RAB10: variants seen among roughly 807,000 people sequenced by gnomAD.
RAB10 encodes the protein RAB10, member RAS oncogene family, also known as ras-related protein Rab-10.
RAB10 carries 5 observed loss-of-function variants against 25.7 expected under a neutral mutation model. The ratio of observed to expected loss-of-function variants is 0.19; its 90% confidence interval spans 0.10 to 0.41. RAB10 has a LOEUF of 0.41. Among genes scored for constraint, RAB10 ranks in the 10% least tolerant of loss-of-function variants. The probability of loss-of-function intolerance (pLI) is 1.00; values close to 1 mark genes in which losing one functional copy is unlikely to be tolerated. For synonymous variants in RAB10, 89 were observed against 86.4 expected (o/e 1.03, Z -0.16); for missense variants, 103 against 245.8 (o/e 0.42, Z 3.89).
At chr2:26,119,164 T>C (rs146959355) in intron 3 of RAB10, among the ~76,000 whole-genome samples, 14 of 152,308 alleles carry the variant, frequency 9.2e-5, no homozygotes, top group African/African-American at 3.4e-4. Context: ...CCCAGCACTT[T>C]GGGAATCCAA....
At chr2:26,073,259 G>A (rs143714650) in intron 1 of RAB10, among the ~76,000 whole-genome samples, 3 of 152,332 alleles carry the variant, frequency 2.0e-5, no homozygotes, top group East Asian at 1.9e-4. Flanking sequence ...GGAACAAATG[G>A]GAGAAGGGGC....
chr2:26,133,765 C>A (rs1668053816), intron 5 of RAB10, among the ~76,000 whole-genome samples: 1 of 151,972 alleles, frequency 6.6e-6, no homozygotes, highest in African/African-American at 2.4e-5. Flanking sequence ...CCTCTGCCTC[C>A]CGAGTTCAAG....
intron 2 of RAB10, chr2:26,102,199 TTAA>T (rs1667356743): frequency 6.6e-6 from 1 of 152,266 alleles, no homozygotes; most frequent in Non-Finnish European, 1.5e-5. Flanking sequence ...TCCTTAACAC[TTAA>T]TAATTCTCTG....
rs115347170 is a variant in RAB10, at chr2:26,100,314, C to G, written c.188+1592C>G. The stretch of plus-strand genomic sequence containing the variant: ...CAGGTTTCTAAGCCTGCTTTCAAAA[C>G]TACTCTCTTATCCTCTGCCATTAAA... On this transcript the variant is annotated intron_variant, in intron 2 of 5. Coordinates refer to ENST00000264710, the MANE Select transcript of RAB10 (RefSeq NM_016131.5). 6.2e-3 allele frequency among the ~76,000 whole-genome samples: 939 copies of G among 152,264 alleles called. 12 individuals are homozygous for G. Among genetic ancestry groups the G allele is most frequent in the African/African-American group, 0.021 (877 of 41,556 alleles).
chr2:26,134,323 G>T (rs1228142198), intron 5 of RAB10, among the ~76,000 whole-genome samples: 9 of 151,994 alleles, frequency 5.9e-5, no homozygotes, highest in Admixed American at 2.0e-4. Flanking sequence ...TTGCTGTGTT[G>T]CCCAACGTGG....
At chr2:26,096,993 C>T (rs902398841) in intron 1 of RAB10, among the ~76,000 whole-genome samples, 4 of 152,052 alleles carry the variant, frequency 2.6e-5, no homozygotes, top group Admixed American at 6.6e-5. Context: ...AGGCCAAGGC[C>T]GGTGGGTCAC....
At chr2:26,078,096 A>G (rs926478057) in intron 1 of RAB10, among the ~76,000 whole-genome samples, 30 of 152,250 alleles carry the variant, frequency 2.0e-4, no homozygotes, top group African/African-American at 7.2e-4. Flanking sequence ...AGTAGCATCA[A>G]AAAGAATACC....
chr2:26,105,624 T>C (rs932636124), intron 2 of RAB10, among the ~76,000 whole-genome samples: 3 of 152,058 alleles, frequency 2.0e-5, no homozygotes, highest in African/African-American at 7.2e-5. Flanking sequence ...CACTGTACTC[T>C]GTGAGACTCC....
chr2:26,048,930 G>T (rs1666074624), intron 1 of RAB10, among the ~76,000 whole-genome samples: 2 of 152,146 alleles, frequency 1.3e-5, no homozygotes. Context: ...CTTCCAGTCT[G>T]TAGCTTGTCT....
chr2:26,132,417 C>T (rs567451604), intron 5 of RAB10, among the ~76,000 whole-genome samples: 2 of 152,184 alleles, frequency 1.3e-5, no homozygotes, highest in African/African-American at 4.8e-5. Flanking sequence ...CCACGCCTGG[C>T]GAATTTTTAT....
intron 1 of RAB10, among the ~76,000 whole-genome samples, chr2:26,043,690 A>G (rs573023849): frequency 6.6e-6 from 1 of 152,330 alleles, no homozygotes; most frequent in East Asian, 1.9e-4. Flanking sequence ...TGTGTGAGGT[A>G]CCTATAGTAG....
intron 3 of RAB10, among the ~76,000 whole-genome samples, chr2:26,121,430 C>T (rs969845876): frequency 3.9e-5 from 6 of 152,082 alleles, no homozygotes; most frequent in Non-Finnish European, 5.9e-5. Flanking sequence ...GTGATTCTTC[C>T]TTCTCAGCCT....
intron 1 of RAB10, among the ~76,000 whole-genome samples, chr2:26,057,737 C>T (rs573241431): frequency 1.6e-4 from 25 of 152,000 alleles, no homozygotes; most frequent in Non-Finnish European, 3.1e-4. Context: ...ATTCTCTCAC[C>T]TCTGCGTCCC....
intron 1 of RAB10, among the ~76,000 whole-genome samples, chr2:26,038,845 C>T (rs1665821705): frequency 1.3e-5 from 2 of 150,388 alleles, no homozygotes; most frequent in African/African-American, 4.9e-5. Flanking sequence ...TGGCATGAAC[C>T]CAGAAGGTGG....
intron 5 of RAB10, among the ~76,000 whole-genome samples, chr2:26,130,232 T>C (rs1032312555): frequency 6.6e-6 from 1 of 152,198 alleles, no homozygotes; most frequent in Non-Finnish European, 1.5e-5. Flanking sequence ...AGAAAATAAA[T>C]CTATATTATT....
At chr2:26,106,943 G>C (rs950032085) in intron 2 of RAB10, among the ~76,000 whole-genome samples, 8 of 150,446 alleles carry the variant, frequency 5.3e-5, no homozygotes, top group Non-Finnish European at 7.4e-5. Context: ...AAAATCTTTG[G>C]AACATAAGAC....
At chr2:26,133,833 C>G (rs1052386865) in intron 5 of RAB10, among the ~76,000 whole-genome samples, 1 of 152,094 alleles carries the variant, frequency 6.6e-6, no homozygotes, top group Middle Eastern at 3.4e-3. Context: ...AACACCACAC[C>G]CAGCTAGTTT....
At chr2:26,072,185 G>A (rs939895977) in intron 1 of RAB10, among the ~76,000 whole-genome samples, 10 of 152,124 alleles carry the variant, frequency 6.6e-5, no homozygotes, top group East Asian at 5.8e-4. Flanking sequence ...TTGGGAGGCC[G>A]AGGCGGCTGG....
In RAB10 at chr2:26,111,043, G is replaced by A. The variant is rs551618703; in HGVS notation, c.327+1137G>A. Among the ~76,000 whole-genome samples the A allele has an allele frequency of 4.3e-4, 66 of 152,258 alleles. 2 individuals are homozygous for A. The South Asian group carries it at 0.013, about 29-fold the overall frequency. ...TTATAAGTTAAAATTATGTATCAAA[G>A]CATGTCTGTTTCTTTGCTACAGCAT... On this transcript the variant is annotated intron_variant, in intron 3 of 5. Coordinates refer to ENST00000264710, the MANE Select transcript of RAB10 (RefSeq NM_016131.5).
Sources: gnomAD v4.1 joint callset for allele counts (sites outside exome capture counted in the v4.1 genomes callset) on GRCh38, gnomAD v4.1.1 for gene constraint, MANE v1.5 for transcripts, NCBI Gene and HGNC (gene_info 2026-07-23, HGNC 2026-07-21) for gene names.